AGA: variants seen among roughly 807,000 people sequenced by gnomAD.
AGA encodes the protein N(4)-(beta-N-acetylglucosaminyl)-L-asparaginase.
Under a neutral mutation model 40.1 loss-of-function variants are expected in AGA, and 31 were observed. The ratio of observed to expected loss-of-function variants is 0.77; its 90% CI spans 0.58 to 1.04. AGA has a LOEUF of 1.04. Ranked by LOEUF, AGA falls within the 50% of genes least tolerant of loss-of-function variation. The pLI is 0.00. For synonymous variants in AGA, 148 were observed against 144.0 expected, an observed-to-expected ratio of 1.03 and a Z score of -0.20; for missense variants, 445 against 435.4, an observed-to-expected ratio of 1.02 and a Z score of -0.20.
rs750546930 is a variant in AGA, at chr4:177,434,446, C to A, written c.742G>T (p.Asp248Tyr). 11 of 1,614,178 alleles carry A rather than the reference C, an allele frequency of 6.8e-6. No homozygotes were observed. The highest frequency in any genetic ancestry group is 1.6e-4 in the Middle Eastern group (1 of 6,062). Residue 248 changes from aspartate to tyrosine, a missense_variant, in exon 7 of 9, where the codon GAC becomes TAC. Physicochemically the swap from Asp to Tyr is radical, Grantham distance 160. Coordinates refer to ENST00000264595, the MANE Select transcript of AGA (RefSeq NM_000027.4). ...GCTGCGGCTGCCCCTGCAGTATCGT[C>A]AGCATAGGCTCCAGCTCCAGGTATT... ...SPIPGAGAYADDTAGAAAATG... is the reference protein window; with the variant it reads ...SPIPGAGAYAYDTAGAAAATG...
Position 177,442,331 on chromosome 4 carries a change from C to A in AGA, c.45G>T (p.Leu15=). 6.2e-7 allele frequency: 1 copy of A among 1,614,128 alleles called. No individual in the cohort carries two copies. The highest frequency in any genetic ancestry group is 8.5e-7 in the Non-Finnish European group (1 of 1,179,956). Residue 15 remains leucine (L), a synonymous_variant, in exon 1 of 9, where the codon CTG becomes CTT. Coordinates refer to ENST00000264595, the MANE Select transcript of AGA (RefSeq NM_000027.4). ...SNLPVLLVPF[L]LCQALVRCSS... ...AGCAGCGCACTAGGGCCTGGCAGAG[C>A]AGAAACGGCACGAGAAGCACAGGCA... is the stretch of plus-strand genomic sequence containing the variant.
At chr4:177,432,931 G>A (rs1736675851) in intron 8 of AGA, among the ~76,000 whole-genome samples, 1 of 152,084 alleles carries the variant, frequency 6.6e-6, no homozygotes, top group Non-Finnish European at 1.5e-5. Flanking sequence ...CTATGTCAAC[G>A]TGTACTGGAG....
intron 4 of AGA, 31 bp from the exon 5 acceptor site, chr4:177,437,550 C>A (rs1338387097): frequency 3.3e-6 from 5 of 1,505,158 alleles, no homozygotes; most frequent in Non-Finnish European, 3.7e-6. Context: ...TTATTTCTTA[C>A]AAAGGGTATT....
chr4:177,434,276 T>G, intron 7 of AGA, 106 bp downstream of exon 7: 1 of 1,029,926 alleles, frequency 9.7e-7, no homozygotes, highest in Admixed American at 1.7e-5. Flanking sequence ...ATGCTAGGAT[T>G]ACAGTCGTGA....
chr4:177,435,294 A>C (rs1024778824), intron 6 of AGA, among the ~76,000 whole-genome samples: 5 of 152,230 alleles, frequency 3.3e-5, no homozygotes, highest in African/African-American at 1.2e-4. Context: ...TGATTTAGCC[A>C]TTCTACAACA....
chr4:177,440,555 G>A (rs531988617), intron 1 of AGA, 129 bp from the exon 2 acceptor site: 2 of 991,624 alleles, frequency 2.0e-6, no homozygotes, highest in South Asian at 3.1e-5. Context: ...TAACACATTA[G>A]TTTATCAAGT....
In AGA at chr4:177,434,499, G is replaced by A; in HGVS notation, c.699-10C>T. 1 of 1,610,690 alleles carries A rather than the reference G, an allele frequency of 6.2e-7. No individual in the cohort carries two copies. Among genetic ancestry groups the A allele is most frequent in the Non-Finnish European group, 8.5e-7 (1 of 1,177,014 alleles). ...TGAGTCTCCTACACGGCTTTGAGAGGGTATTAACAATTTACGGCAGGAAAT... is the reference window on the plus strand; with the variant it reads ...TGAGTCTCCTACACGGCTTTGAGAGAGTATTAACAATTTACGGCAGGAAAT... On this transcript the variant is annotated splice_polypyrimidine_tract_variant and intron_variant, in intron 6 of 8. Transcript: ENST00000264595.
chr4:177,442,099 T>A, intron 1 of AGA, 150 bp downstream of exon 1: 1 of 1,188,348 alleles, frequency 8.4e-7, no homozygotes, highest in Non-Finnish European at 1.2e-6. Context: ...CGCTGGAGAC[T>A]CGGGAAGACC....
At chr4:177,435,025 T>C (rs1285556354) in intron 6 of AGA, among the ~76,000 whole-genome samples, 1 of 151,914 alleles carries the variant, frequency 6.6e-6, no homozygotes, top group Non-Finnish European at 1.5e-5. Flanking sequence ...CTCAGCCTCC[T>C]GAGTAGCTGG....
In AGA at chr4:177,436,832, G is replaced by A. The variant is rs143130442; in HGVS notation, c.623-481C>T. Reference sequence around the variant, plus strand: ...TATTATTAACAGGTGGGGCCTTTAAGAGGCGATTAGGCTAAAAGGGCTTAA... The same window carrying A: ...TATTATTAACAGGTGGGGCCTTTAAAAGGCGATTAGGCTAAAAGGGCTTAA... On this transcript the variant is annotated intron_variant, in intron 5 of 8. Coordinates refer to ENST00000264595, the MANE Select transcript of AGA (RefSeq NM_000027.4). 2.9e-3 allele frequency among the ~76,000 whole-genome samples: 436 copies of A among 152,310 alleles called. 1 individual carries two copies. Among genetic ancestry groups the A allele is most frequent in the Middle Eastern group, 0.01 (3 of 294 alleles).
chr4:177,441,244 C>A (rs1398602613), intron 1 of AGA, among the ~76,000 whole-genome samples: 2 of 152,140 alleles, frequency 1.3e-5, no homozygotes, highest in South Asian at 4.2e-4. Context: ...GTCCCCCGCC[C>A]AGGCTGATGC....
In AGA at chr4:177,431,629, AC is replaced by A. The variant is rs1736637667; in HGVS notation, c.*78del. On this transcript the variant is annotated 3_prime_UTR_variant, in exon 9 of 9. Coordinates refer to ENST00000264595, the MANE Select transcript of AGA (RefSeq NM_000027.4). ...AAAGACTTTAGAACACATGAGGAACACTAGATGATGAGAGTGAGCAGCCTTT... is the reference window on the plus strand; with the variant it reads ...AAAGACTTTAGAACACATGAGGAACATAGATGATGAGAGTGAGCAGCCTTT... 1 of 1,168,364 alleles carries A rather than the reference AC, an allele frequency of 8.6e-7. No homozygotes were observed. Among genetic ancestry groups the A allele is most frequent in the Non-Finnish European group, 1.3e-6 (1 of 785,978 alleles). 72.4% of individuals were successfully genotyped at this position (1,168,364 alleles called of 1,614,324 possible). A position where few individuals can be genotyped will look rare whatever the true frequency, so the allele number is the denominator to read the frequency against.
At position 177,431,607 on chromosome 4, in the gene AGA, G is replaced by T; in HGVS notation, c.*101C>A. On this transcript the variant is annotated 3_prime_UTR_variant, in exon 9 of 9. Transcript: ENST00000264595. ...TATTTTTGTGTTTATTTTACAAAAA[G>T]ACTTTAGAACACATGAGGAACACTA... The T allele has an allele frequency of 2.1e-6, 2 of 967,342 alleles. No homozygotes were observed. Among genetic ancestry groups the T allele is most frequent in the Non-Finnish European group, 3.3e-6 (2 of 614,528 alleles). The allele number at this position is 967,342 out of a possible 1,614,324, so 59.9% of individuals were successfully genotyped here. A position where few individuals can be genotyped will look rare whatever the true frequency, so the allele number is the denominator to read the frequency against.
At chr4:177,442,143 G>A in intron 1 of AGA, 106 bp downstream of exon 1, 38 of 1,523,216 alleles carry the variant, frequency 2.5e-5, no homozygotes, top group Non-Finnish European at 2.9e-5. Context: ...GGCCCAGCCC[G>A]GCGCTCTTCC....
chr4:177,436,489 C>A, intron 5 of AGA, 138 bp from the exon 6 acceptor site: 1 of 750,180 alleles, frequency 1.3e-6, no homozygotes, highest in South Asian at 1.5e-5. Context: ...TCCTATTCCA[C>A]AAGGTGATGG....
intron 1 of AGA, 57 bp downstream of exon 1, chr4:177,442,192 C>G: frequency 6.2e-7 from 1 of 1,605,990 alleles, no homozygotes; most frequent in East Asian, 2.2e-5. Context: ...GCGGGCTAGT[C>G]ATCCCCACCC....
At position 177,437,513 on chromosome 4, in the gene AGA, T is replaced by C. The variant is rs772303261; in HGVS notation, c.514A>G (p.Ile172Val). 1.9e-6 allele frequency: 3 copies of C among 1,595,930 alleles called. No homozygotes were observed. Among genetic ancestry groups the C allele is most frequent in the South Asian group, 1.1e-5 (1 of 90,658 alleles). The change falls in exon 5 of 9, where the codon ATA becomes GTA. Residue 172 changes from isoleucine to valine, a missense_variant. Coordinates refer to ENST00000264595, the MANE Select transcript of AGA (RefSeq NM_000027.4). ...CCGCAGTATTTTGAGGGATCTGGTATAACATTCTGTAAACAAGATTTAAGT... is the reference window on the plus strand; with the variant it reads ...CCGCAGTATTTTGAGGGATCTGGTACAACATTCTGTAAACAAGATTTAAGT... ...NCQPNYWRNVIPDPSKYCGPY... is the reference protein window; with the variant it reads ...NCQPNYWRNVVPDPSKYCGPY...
Position 177,440,902 on chromosome 4 carries a change from C to T in AGA, c.128-476G>A, listed in dbSNP as rs558327732. On this transcript the variant is annotated intron_variant, in intron 1 of 8. Transcript: ENST00000264595. Reference sequence around the variant, plus strand: ...AATACTGAACAGCAAACAATTACAACGTGGACTTCATATGGATTAGTTCAT... The same window carrying T: ...AATACTGAACAGCAAACAATTACAATGTGGACTTCATATGGATTAGTTCAT... Among the ~76,000 whole-genome samples the T allele has an allele frequency of 2.6e-3, 391 of 152,202 alleles. 2 individuals carry two copies. Among genetic ancestry groups the T allele is most frequent in the African/African-American group, 8.9e-3 (370 of 41,532 alleles).
Position 177,431,699 on chromosome 4 carries a change from A to G in AGA, c.*9T>C, listed in dbSNP as rs1736640449. 7 of 1,598,190 alleles carry G rather than the reference A, an allele frequency of 4.4e-6. No homozygotes were observed. Among genetic ancestry groups the G allele is most frequent in the Non-Finnish European group, 6.0e-6 (7 of 1,165,676 alleles). The stretch of plus-strand genomic sequence containing the variant: ...TTCTTTAAATACAGATGTTGACAGT[A>G]AAGATGGATTAGATGCAGTCCACTT... On this transcript the variant is annotated 3_prime_UTR_variant, in exon 9 of 9. Coordinates refer to ENST00000264595, the MANE Select transcript of AGA (RefSeq NM_000027.4).
Sources: gnomAD v4.1 joint callset for allele counts (sites outside exome capture counted in the v4.1 genomes callset) on GRCh38, gnomAD v4.1.1 for gene constraint, MANE v1.5 for transcripts, NCBI Gene and HGNC (gene_info 2026-07-23, HGNC 2026-07-21) for gene names.